Variants in PSME4 observed in about 807,000 individuals in gnomAD.
The protein encoded by PSME4 is proteasome activator subunit 4, also known as proteasome activator complex subunit 4.
Under a neutral mutation model 253.9 loss-of-function variants are expected in PSME4, and 89 were observed. The observed-to-expected ratio is 0.35, with a 90% CI of 0.30 to 0.42. The LOEUF (loss-of-function observed/expected upper bound fraction) is 0.42, where lower values mean the gene tolerates loss of function less well. Ranked by LOEUF, PSME4 falls within the 10% of genes least tolerant of loss-of-function variation. The probability of loss-of-function intolerance (pLI) is 1.00; values close to 1 mark genes in which losing one functional copy is unlikely to be tolerated. For missense variants in PSME4, 2,014 were observed against 2,195.2 expected (o/e 0.92, Z 1.65); for synonymous variants, 851 against 759.2 (o/e 1.12, Z -1.99).
chr2:53,955,881 C>T (rs1222873782), intron 1 of PSME4, among the ~76,000 whole-genome samples: 3 of 152,110 alleles, frequency 2.0e-5, no homozygotes, highest in African/African-American at 7.2e-5. Flanking sequence ...AAGATCGTGC[C>T]ACTGCACTCC....
rs1347494555 is a variant in PSME4 at position 53,942,592 on chromosome 2, A to G, written c.501-2592T>C. Among the ~76,000 whole-genome samples the G allele has an allele frequency of 2.0e-5, 3 of 152,146 alleles. No individual in the cohort carries two copies. In the East Asian group the frequency reaches 5.8e-4, roughly 29 times the overall value. On this transcript the variant is annotated intron_variant, in intron 3 of 46. Coordinates refer to ENST00000404125, the MANE Select transcript of PSME4 (RefSeq NM_014614.3). ...TAGCTGTTTTCTCATCAATATAAGC[A>G]ATAATACCTACCTCTCATAAAGCTG... is the stretch of plus-strand genomic sequence containing the variant.
chr2:53,896,673 T>C lies in PSME4; in HGVS notation c.3688+131A>G, dbSNP rs376816456. 29 of 671,904 alleles carry C rather than the reference T, an allele frequency of 4.3e-5. No homozygotes were observed. In the Middle Eastern group the frequency reaches 1.2e-3, roughly 29 times the overall value. The allele number at this position is 671,904 out of a possible 1,614,324, so 41.6% of individuals were successfully genotyped here. A position where few individuals can be genotyped will look rare whatever the true frequency, so the allele number is the denominator to read the frequency against. On this transcript the variant is annotated intron_variant, in intron 32 of 46. Coordinates refer to ENST00000404125, the MANE Select transcript of PSME4 (RefSeq NM_014614.3). ...TTTACTAAGTCAACTGTTTCCTTCA[T>C]AATATTATTTATATTTTGTGTTAAT...
At chr2:53,910,581 T>C (rs1000659359) in intron 20 of PSME4, among the ~76,000 whole-genome samples, 3 of 152,204 alleles carry the variant, frequency 2.0e-5, no homozygotes, top group African/African-American at 4.8e-5. Context: ...GACACTCTTT[T>C]TGAAGAAATT....
At chr2:53,898,624 T>C (rs767519520) in intron 29 of PSME4, among the ~76,000 whole-genome samples, 20 of 134,638 alleles carry the variant, frequency 1.5e-4, no homozygotes, top group Non-Finnish European at 3.0e-4. Context: ...AATCAATTAA[T>C]TGGGAGTGGC....
At chr2:53,870,395 A>G (rs1453986712) in intron 43 of PSME4, 1 of 119,236 alleles carries the variant, frequency 8.4e-6, no homozygotes, top group African/African-American at 3.4e-5. Flanking sequence ...TTTTTTTGAG[A>G]TGGAGTCTCG....
chr2:53,902,255 T>G (rs1041681517), intron 27 of PSME4, among the ~76,000 whole-genome samples: 26 of 152,206 alleles, frequency 1.7e-4, no homozygotes, highest in Non-Finnish European at 3.7e-4. Context: ...TAAATATTAG[T>G]TAACACCTGG....
chr2:53,875,825 A>G, intron 41 of PSME4, 70 bp from the exon 42 acceptor site: 2 of 1,391,132 alleles, frequency 1.4e-6, no homozygotes, highest in Non-Finnish European at 9.8e-7. Flanking sequence ...ATCCTACATG[A>G]GAGACAACAC....
At chr2:53,954,255 G>A (rs1670130931) in intron 1 of PSME4, among the ~76,000 whole-genome samples, 2 of 151,974 alleles carry the variant, frequency 1.3e-5, no homozygotes, top group African/African-American at 4.8e-5. Flanking sequence ...TTGAACCCGG[G>A]AGGCAGAGGT....
chr2:53,915,815 A>AT (rs1184950438), intron 20 of PSME4, among the ~76,000 whole-genome samples: 3 of 152,152 alleles, frequency 2.0e-5, no homozygotes, highest in African/African-American at 7.2e-5. Context: ...TCATGCCTAT[A>AT]ATCCCAGCAC....
intron 10 of PSME4, among the ~76,000 whole-genome samples, chr2:53,929,067 G>A (rs1339687122): frequency 6.6e-6 from 1 of 152,076 alleles, no homozygotes; most frequent in African/African-American, 2.4e-5. Flanking sequence ...TCGGGTGGCT[G>A]AGGCAGGAGG....
At position 53,866,299 on chromosome 2, in the gene PSME4, A is replaced by T. The variant is rs536469391; in HGVS notation, c.5398-76T>A. The T allele has an allele frequency of 3.4e-6, 5 of 1,488,868 alleles. No homozygotes were observed. In the East Asian group the frequency reaches 1.2e-4, roughly 34 times the overall value. The allele number at this position is 1,488,868 out of a possible 1,614,324, so 92.2% of individuals were successfully genotyped here. ...TCATATGTAGGATACTTTTAGTTAA[A>T]TTACCGTCCCTCTAGACTTCAGATC... On this transcript the variant is annotated intron_variant, in intron 45 of 46. Transcript: ENST00000404125.
At chr2:53,943,611 C>T (rs1466275216) in intron 3 of PSME4, among the ~76,000 whole-genome samples, 2 of 151,998 alleles carry the variant, frequency 1.3e-5, no homozygotes, top group Non-Finnish European at 2.9e-5. Flanking sequence ...GAAGCCGAGG[C>T]GGGTGGATCA....
chr2:53,925,758 G>A (rs1406808024), intron 13 of PSME4, 69 bp from the exon 14 acceptor site: 1 of 1,463,882 alleles, frequency 6.8e-7, no homozygotes, highest in Non-Finnish European at 9.5e-7. Flanking sequence ...TGGTCATCAG[G>A]TAACTCTCTA....
intron 1 of PSME4, among the ~76,000 whole-genome samples, chr2:53,961,691 AG>A (rs1243380543): frequency 6.6e-6 from 1 of 152,128 alleles, no homozygotes; most frequent in African/African-American, 2.4e-5. Context: ...AAGGGGGGGA[AG>A]GGGGATGTTT....
rs1252025398 is a variant in PSME4, at chr2:53,899,755, T to G, written c.3422+126A>C. 5 of 1,142,080 alleles carry G rather than the reference T, an allele frequency of 4.4e-6. No homozygotes were observed. In the East Asian group the frequency reaches 1.2e-4, roughly 28 times the overall value. The allele number at this position is 1,142,080 out of a possible 1,614,324, so 70.7% of individuals were successfully genotyped here. The stretch of plus-strand genomic sequence containing the variant: ...AGAGCTTAAACCCAGGAGGTGAAGG[T>G]TGCAGTGAGCCATGATCGTCTCACT... On this transcript the variant is annotated intron_variant, in intron 29 of 46. Transcript: ENST00000404125.
chr2:53,896,893 A>G lies in PSME4; in HGVS notation c.3607-8T>C. Reference sequence around the variant, plus strand: ...AACAGCTGAGATAGCCATCTAGAAAAGGAAAAAGGTACACATTCATAAAAA... The same window carrying G: ...AACAGCTGAGATAGCCATCTAGAAAGGGAAAAAGGTACACATTCATAAAAA... On this transcript the variant is annotated splice_region_variant and splice_polypyrimidine_tract_variant and intron_variant, in intron 31 of 46. Transcript: ENST00000404125. 1 of 1,600,732 alleles carries G rather than the reference A, an allele frequency of 6.2e-7. No individual in the cohort carries two copies. Among genetic ancestry groups the G allele is most frequent in the Non-Finnish European group, 8.6e-7 (1 of 1,168,154 alleles).
intron 1 of PSME4, among the ~76,000 whole-genome samples, 174 bp downstream of exon 1, chr2:53,970,369 G>A (rs925923254): frequency 2.0e-5 from 3 of 152,198 alleles, no homozygotes; most frequent in African/African-American, 7.2e-5. Flanking sequence ...AAGTGGCAGG[G>A]AGGACGGCTT....
chr2:53,918,018 A>G (rs1359168513), intron 20 of PSME4, among the ~76,000 whole-genome samples: 1 of 152,224 alleles, frequency 6.6e-6, no homozygotes, highest in East Asian at 1.9e-4. Context: ...TTCAATGCCT[A>G]AGAACAGTTT....
At chr2:53,926,720 T>TCTC (rs1229371064) in intron 12 of PSME4, among the ~76,000 whole-genome samples, 1 of 150,362 alleles carries the variant, frequency 6.7e-6, no homozygotes, top group Non-Finnish European at 1.5e-5. Flanking sequence ...ACATCTGTAA[T>TCTC]CTCAGCATTT....
Sources: gnomAD v4.1 joint callset for allele counts (sites outside exome capture counted in the v4.1 genomes callset) on GRCh38, gnomAD v4.1.1 for gene constraint, MANE v1.5 for transcripts, NCBI Gene and HGNC (gene_info 2026-07-23, HGNC 2026-07-21) for gene names.